The following KATNAL1 variants were observed in gnomAD, a reference collection of about 807,000 sequenced individuals.
KATNAL1 encodes the protein katanin p60 ATPase-containing subunit A-like 1.
KATNAL1 carries 32 observed loss-of-function variants against 55.2 expected under a neutral mutation model. The ratio of observed to expected loss-of-function variants is 0.58; its 90% confidence interval spans 0.44 to 0.78. KATNAL1 has a LOEUF of 0.78. Among genes scored for constraint, KATNAL1 ranks in the 30% least tolerant of loss-of-function variants. The pLI is 0.00. For synonymous variants in KATNAL1, 193 were observed against 193.6 expected (o/e 1.00, Z 0.02); for missense variants, 466 against 600.9 (o/e 0.78, Z 2.35).
chr13:30,220,744 G>A (rs930322143), intron 9 of KATNAL1, among the ~76,000 whole-genome samples: 5 of 151,966 alleles, frequency 3.3e-5, no homozygotes, highest in African/African-American at 1.2e-4. Flanking sequence ...TGTCACCCAG[G>A]CTGGAGTGCT....
At chr13:30,260,157 G>C (rs894955886) in intron 3 of KATNAL1, among the ~76,000 whole-genome samples, 3 of 152,078 alleles carry the variant, frequency 2.0e-5, no homozygotes, top group Admixed American at 6.6e-5. Flanking sequence ...CTGCAGCTGA[G>C]GGTCCTGTCT....
intron 6 of KATNAL1, among the ~76,000 whole-genome samples, chr13:30,233,883 G>A (rs184256994): frequency 6.6e-6 from 1 of 152,306 alleles, no homozygotes; most frequent in African/African-American, 2.4e-5. Context: ...ATTTGTGGGA[G>A]CTAAGAAAGG....
chr13:30,282,954 C>CAAAAAAAAA (rs557715370), intron 2 of KATNAL1, among the ~76,000 whole-genome samples: 3 of 79,630 alleles, frequency 3.8e-5, no homozygotes, highest in Non-Finnish European at 7.4e-5. Context: ...GACTCCGTCT[C>CAAAAAAAAA]AAAAAAAAAA....
chr13:30,230,635 T>C, intron 7 of KATNAL1, 41 bp from the exon 8 acceptor site: 1 of 1,458,820 alleles, frequency 6.9e-7, no homozygotes, highest in African/African-American at 1.4e-5. Context: ...AATAATCTCA[T>C]AAAACAATTG....
At position 30,208,675 on chromosome 13, in the gene KATNAL1, T is replaced by G. The variant is rs1467812308; in HGVS notation, c.1338A>C (p.Ala446=). The G allele has an allele frequency of 6.2e-7, 1 of 1,614,080 alleles. No individual in the cohort carries two copies. Among genetic ancestry groups the G allele is most frequent in the East Asian group, 2.2e-5 (1 of 44,862 alleles). ...INGLSPEEIR[A]LSKEELQMPV... is the part of the protein sequence containing the mutation. ...GCATCTGAAGTTCCTCTTTAGAAAG[T>G]GCACGGATTTCTTCTGGACTTAAGC... The change falls in exon 11 of 11, where the codon GCA becomes GCC. Residue 446 remains alanine, a synonymous_variant. Coordinates refer to ENST00000380615, the MANE Select transcript of KATNAL1 (RefSeq NM_032116.5).
chr13:30,252,746 C>CTT (rs1159261874), intron 4 of KATNAL1, among the ~76,000 whole-genome samples: 2 of 143,914 alleles, frequency 1.4e-5, no homozygotes, highest in African/African-American at 5.1e-5. Context: ...ATTTTCCTTT[C>CTT]TTTTTTTTTT....
chr13:30,205,633 TGTG>T lies in KATNAL1; in HGVS notation c.*2904_*2906del, dbSNP rs1873038918. On this transcript the variant is annotated 3_prime_UTR_variant, in exon 11 of 11. Coordinates refer to ENST00000380615, the MANE Select transcript of KATNAL1 (RefSeq NM_032116.5). ...GTCAGAGTGTGTGTGTGTGTGTGTATGTGAGTGTGAGTGTGTGTGTGATGTACA... is the reference window on the plus strand; with the variant it reads ...GTCAGAGTGTGTGTGTGTGTGTGTATAGTGTGAGTGTGTGTGTGATGTACA... The T allele has an allele frequency of 4.7e-5, 2 of 42,930 alleles. No individual in the cohort carries two copies. Among genetic ancestry groups the T allele is most frequent in the Non-Finnish European group, 8.8e-5 (2 of 22,794 alleles). 2.7% of individuals were successfully genotyped at this position (42,930 alleles called of 1,614,324 possible).
rs1241610513 is a variant in KATNAL1, at chr13:30,204,146, A to C, written c.*4394T>G. ...GTGGTTTCTTTAAAATATACAATCA[A>C]AACAGTTACGGAAAAAAAGATACAA... is the stretch of plus-strand genomic sequence containing the variant. On this transcript the variant is annotated 3_prime_UTR_variant, in exon 11 of 11. Transcript: ENST00000380615. 6.6e-6 allele frequency: 1 copy of C among 152,200 alleles called. No individual in the cohort carries two copies. Among genetic ancestry groups the C allele is most frequent in the Non-Finnish European group, 1.5e-5 (1 of 68,028 alleles). 9.4% of individuals were successfully genotyped at this position (152,200 alleles called of 1,614,324 possible). A position where few individuals can be genotyped will look rare whatever the true frequency, so the allele number is the denominator to read the frequency against.
chr13:30,292,714 ACT>A (rs1200353569), intron 1 of KATNAL1, among the ~76,000 whole-genome samples: 1 of 150,390 alleles, frequency 6.6e-6, no homozygotes, highest in Non-Finnish European at 1.5e-5. Flanking sequence ...TTCTTTTTTC[ACT>A]CTCTTACCTT....
chr13:30,251,657 T>G (rs1878332974), intron 4 of KATNAL1, among the ~76,000 whole-genome samples: 1 of 152,224 alleles, frequency 6.6e-6, no homozygotes, highest in Admixed American at 6.5e-5. Flanking sequence ...TTACCCTGTG[T>G]AAGCTATTTT....
At chr13:30,227,651 A>C (rs1431220943) in intron 8 of KATNAL1, 105 bp from the exon 9 acceptor site, 10 of 1,248,210 alleles carry the variant, frequency 8.0e-6, no homozygotes, top group Admixed American at 6.5e-5. Flanking sequence ...AACGATAAAG[A>C]AAGTGCAGTC....
intron 6 of KATNAL1, among the ~76,000 whole-genome samples, chr13:30,237,098 A>T (rs1876764804): frequency 6.6e-6 from 1 of 152,142 alleles, no homozygotes; most frequent in Non-Finnish European, 1.5e-5. Context: ...TGCACTTACC[A>T]CATGGCCTCC....
rs200577839 is a variant in KATNAL1 at position 30,227,454 on chromosome 13, G to C, written c.1105C>G (p.Arg369Gly). ...TATATCCTTTTTTCTAACCTTCTTC[G>C]CAAAGCTTCATCAATGTCCCACGGG... ...NFPWDIDEAL[R>G]RRLEKRIYIP... is the part of the protein sequence containing the mutation. Residue 369 changes from arginine to glycine, a missense_variant, in exon 9 of 11, where the codon CGA becomes GGA. Coordinates refer to ENST00000380615, the MANE Select transcript of KATNAL1 (RefSeq NM_032116.5). 1 of 1,613,698 alleles carries C rather than the reference G, an allele frequency of 6.2e-7. No homozygotes were observed. The highest frequency in any genetic ancestry group is 1.1e-5 in the South Asian group (1 of 91,062).
At chr13:30,302,025 C>A (rs1046164316) in intron 1 of KATNAL1, among the ~76,000 whole-genome samples, 1 of 152,180 alleles carries the variant, frequency 6.6e-6, no homozygotes. Flanking sequence ...GTGTGCGCAG[C>A]CACGCCTGGC....
At chr13:30,253,204 T>C (rs1245812203) in intron 4 of KATNAL1, among the ~76,000 whole-genome samples, 1 of 152,220 alleles carries the variant, frequency 6.6e-6, no homozygotes, top group Non-Finnish European at 1.5e-5. Context: ...GAGTCAAATA[T>C]ACCTTTCAAA....
At chr13:30,275,531 GAGAGT>G (rs1348531011) in intron 3 of KATNAL1, among the ~76,000 whole-genome samples, 2 of 152,154 alleles carry the variant, frequency 1.3e-5, no homozygotes, top group East Asian at 1.9e-4. Context: ...CTCATAGAAA[GAGAGT>G]AGAGTGGTTA....
At chr13:30,273,285 C>G (rs1880520955) in intron 3 of KATNAL1, among the ~76,000 whole-genome samples, 1 of 152,236 alleles carries the variant, frequency 6.6e-6, no homozygotes, top group Non-Finnish European at 1.5e-5. Flanking sequence ...TTCTGCTCCT[C>G]TCTCTGCGTT....
chr13:30,291,581 T>C (rs532445070), intron 1 of KATNAL1, among the ~76,000 whole-genome samples: 1 of 152,010 alleles, frequency 6.6e-6, no homozygotes, highest in South Asian at 2.1e-4. Context: ...AAAACTTACA[T>C]GGAAATGAAA....
intron 3 of KATNAL1, among the ~76,000 whole-genome samples, chr13:30,270,613 C>T (rs1310786724): frequency 6.6e-6 from 1 of 151,838 alleles, no homozygotes; most frequent in Non-Finnish European, 1.5e-5. Flanking sequence ...TGACCTTACC[C>T]CCAACCCTGT....
Sources: gnomAD v4.1 joint callset for allele counts (sites outside exome capture counted in the v4.1 genomes callset) on GRCh38, gnomAD v4.1.1 for gene constraint, MANE v1.5 for transcripts, NCBI Gene and HGNC (gene_info 2026-07-23, HGNC 2026-07-21) for gene names.